ARHGEF26: variants seen among roughly 807,000 people sequenced by gnomAD.
ARHGEF26 encodes the protein Rho guanine nucleotide exchange factor 26, also known as Rho guanine nucleotide exchange factor (GEF) 26.
Under a neutral mutation model 89.4 loss-of-function variants are expected in ARHGEF26, and 59 were observed. The ratio of observed to expected loss-of-function variants is 0.66; its 90% CI spans 0.54 to 0.82. ARHGEF26 has a LOEUF of 0.82. ARHGEF26 is among the 40% of genes least tolerant of loss of function. The pLI is 0.00. For synonymous variants in ARHGEF26, 500 were observed against 428.4 expected (o/e 1.17, Z -2.06); for missense variants, 1,234 against 1,085.6 (o/e 1.14, Z -1.92).
At chr3:154,253,297 G>A in intron 13 of ARHGEF26, 114 bp downstream of exon 13, 2 of 1,235,376 alleles carry the variant, frequency 1.6e-6, no homozygotes, top group East Asian at 2.4e-5. Context: ...GTTTCCTCCA[G>A]GGCTTCCTTC....
chr3:154,155,828 C>A (rs1370405668), intron 6 of ARHGEF26, among the ~76,000 whole-genome samples: 1 of 151,734 alleles, frequency 6.6e-6, no homozygotes, highest in Non-Finnish European at 1.5e-5. Flanking sequence ...AAGGAAAATT[C>A]TAAAAGGACT....
intron 9 of ARHGEF26, among the ~76,000 whole-genome samples, chr3:154,212,967 A>G (rs908801585): frequency 3.3e-5 from 5 of 152,132 alleles, no homozygotes; most frequent in Non-Finnish European, 7.3e-5. Flanking sequence ...AACCATTTCT[A>G]AAGATAAATT....
intron 6 of ARHGEF26, among the ~76,000 whole-genome samples, chr3:154,164,181 A>C (rs1271246947): frequency 6.6e-6 from 1 of 152,100 alleles, no homozygotes; most frequent in African/African-American, 2.4e-5. Context: ...GAGCAACCTC[A>C]CAGCAAAATA....
intron 9 of ARHGEF26, among the ~76,000 whole-genome samples, chr3:154,213,239 G>GTATATATATA (rs1227037124): frequency 7.7e-6 from 1 of 129,890 alleles, no homozygotes; most frequent in African/African-American, 2.6e-5. Flanking sequence ...GTGTGTGTGT[G>GTATATATATA]TGTATATATA....
intron 9 of ARHGEF26, among the ~76,000 whole-genome samples, chr3:154,201,275 T>G (rs1714618192): frequency 6.6e-6 from 1 of 152,022 alleles, no homozygotes; most frequent in Admixed American, 6.6e-5. Context: ...GTCCTTGAGA[T>G]AGTTTGCTGA....
At chr3:154,164,097 G>A (rs116419788) in intron 6 of ARHGEF26, among the ~76,000 whole-genome samples, 1,918 of 152,144 alleles carry the variant, frequency 0.013, 37 homozygotes, top group African/African-American at 0.044. Flanking sequence ...ATAAACTTTT[G>A]TAGAAAATGA....
intron 6 of ARHGEF26, among the ~76,000 whole-genome samples, chr3:154,165,369 G>T (rs1382230908): frequency 6.6e-6 from 1 of 152,150 alleles, no homozygotes; most frequent in African/African-American, 2.4e-5. Context: ...ATTTCAGAGA[G>T]AGAGACACTA....
chr3:154,211,209 G>C (rs1357255118), intron 9 of ARHGEF26, among the ~76,000 whole-genome samples: 1 of 152,078 alleles, frequency 6.6e-6, no homozygotes, highest in East Asian at 1.9e-4. Context: ...GCCTAGTTCA[G>C]CACTAGGACT....
At chr3:154,232,779 A>G (rs2108270954) in intron 11 of ARHGEF26, among the ~76,000 whole-genome samples, 1 of 152,194 alleles carries the variant, frequency 6.6e-6, no homozygotes, top group South Asian at 2.1e-4. Context: ...AAACTGAAGC[A>G]CAGAGAGGAT....
At chr3:154,240,724 A>C (rs765470354) in intron 12 of ARHGEF26, 145 bp downstream of exon 12, 2 of 659,724 alleles carry the variant, frequency 3.0e-6, no homozygotes, top group Non-Finnish European at 5.0e-6. Context: ...ATGACTGGGT[A>C]ATTTTTACAG....
At chr3:154,168,398 G>A (rs982372438) in intron 6 of ARHGEF26, among the ~76,000 whole-genome samples, 17 of 152,204 alleles carry the variant, frequency 1.1e-4, no homozygotes, top group Middle Eastern at 3.4e-3. Context: ...GCAACATGGC[G>A]AAACCCTGTC....
chr3:154,197,079 G>A (rs1714339118), intron 9 of ARHGEF26, among the ~76,000 whole-genome samples: 1 of 152,116 alleles, frequency 6.6e-6, no homozygotes, highest in Admixed American at 6.6e-5. Context: ...TGGCAAAAAT[G>A]TAATAGACCA....
At position 154,256,002 on chromosome 3, in the gene ARHGEF26, CTGT is replaced by C. The variant is rs1559933237; in HGVS notation, c.*534_*536del. On this transcript the variant is annotated 3_prime_UTR_variant, in exon 15 of 15. Coordinates refer to ENST00000465093, the MANE Select transcript of ARHGEF26 (RefSeq NM_015595.4). ...GAACTGGTAGAGTTCAGAAGGTGAGCTGTTGTTTTTCTAAACCTCTTCCCAGGA... is the reference window on the plus strand; with the variant it reads ...GAACTGGTAGAGTTCAGAAGGTGAGCTGTTTTTCTAAACCTCTTCCCAGGA... The C allele has an allele frequency of 1.0e-6, 1 of 985,610 alleles. No individual in the cohort carries two copies. Among genetic ancestry groups the C allele is most frequent in the African/African-American group, 1.7e-5 (1 of 57,222 alleles). The allele number at this position is 985,610 out of a possible 1,614,324, so 61.1% of individuals were successfully genotyped here.
chr3:154,149,251 T>A (rs202150589), intron 4 of ARHGEF26, 138 bp from the exon 5 acceptor site: 2 of 7,854 alleles, frequency 2.5e-4, no homozygotes, highest in Non-Finnish European at 3.7e-4. Flanking sequence ...ATTAATAAAT[T>A]AATATTGATG....
At position 154,237,300 on chromosome 3, in the gene ARHGEF26, C is replaced by T. The variant is rs139769327; in HGVS notation, c.2091-3070C>T. On this transcript the variant is annotated intron_variant, in intron 11 of 14. Coordinates refer to ENST00000465093, the MANE Select transcript of ARHGEF26 (RefSeq NM_015595.4). Reference sequence around the variant, plus strand: ...GGTGTGGTGGATCAGGCCTGTAATCCCAGCACTTTGGGAGGCCGATTACTT... The same window carrying T: ...GGTGTGGTGGATCAGGCCTGTAATCTCAGCACTTTGGGAGGCCGATTACTT... Among the ~76,000 whole-genome samples, 229 of 152,074 alleles carry T rather than the reference C, an allele frequency of 1.5e-3. 1 individual carries two copies. The highest frequency in any genetic ancestry group is 5.4e-3 in the African/African-American group (225 of 41,492).
intron 4 of ARHGEF26, among the ~76,000 whole-genome samples, chr3:154,144,644 A>T (rs557901011): frequency 2.0e-5 from 3 of 152,342 alleles, no homozygotes; most frequent in African/African-American, 7.2e-5. Context: ...TCATTCAGGA[A>T]TCCTGGCTCT....
At chr3:154,194,039 A>G (rs1013452160) in intron 8 of ARHGEF26, among the ~76,000 whole-genome samples, 2 of 151,838 alleles carry the variant, frequency 1.3e-5, no homozygotes, top group South Asian at 2.1e-4. Flanking sequence ...GGGTTTTTCC[A>G]TATTGCCCTG....
At chr3:154,140,673 C>T (rs1377994688) in intron 4 of ARHGEF26, among the ~76,000 whole-genome samples, 1 of 151,458 alleles carries the variant, frequency 6.6e-6, no homozygotes, top group Non-Finnish European at 1.5e-5. Context: ...CAACCTCCGC[C>T]TCCCATAAGC....
intron 4 of ARHGEF26, among the ~76,000 whole-genome samples, chr3:154,147,498 C>T (rs2108087208): frequency 6.6e-6 from 1 of 152,300 alleles, no homozygotes; most frequent in African/African-American, 2.4e-5. Context: ...GTTTTAGAAA[C>T]TGGTATATTA....
Sources: allele counts gnomAD v4.1 joint callset (sites outside exome capture counted in the v4.1 genomes callset), GRCh38; gene constraint gnomAD v4.1.1; transcripts MANE v1.5; gene names NCBI Gene and HGNC (gene_info 2026-07-23, HGNC 2026-07-21).